The following NADSYN1 variants were observed in gnomAD, a reference collection of about 807,000 sequenced individuals.
The protein encoded by NADSYN1 is glutamine-dependent NAD(+) synthetase.
NADSYN1 carries 80 observed loss-of-function variants against 99.3 expected under a neutral mutation model. The observed-to-expected ratio is 0.81, with a 90% CI of 0.67 to 0.97. NADSYN1 has a LOEUF of 0.97. Ranked by LOEUF, NADSYN1 falls within the 50% of genes least tolerant of loss-of-function variation. The probability of loss-of-function intolerance (pLI) is 0.00; values close to 1 mark genes in which losing one functional copy is unlikely to be tolerated. For missense variants in NADSYN1, 859 were observed against 948.5 expected (o/e 0.91, Z 1.24); for synonymous variants, 385 against 372.1 (o/e 1.03, Z -0.40).
rs146247015 is a variant in NADSYN1, at chr11:71,459,515, C to T, written c.263+971C>T. On this transcript the variant is annotated intron_variant, in intron 3 of 20. Transcript: ENST00000319023. ...GTATCTGAGCCCTGCTTTGAATAGC[C>T]GGCTCCCTATGGAGGATGCTGTGCT... Among the ~76,000 whole-genome samples the T allele has an allele frequency of 5.9e-5, 9 of 152,166 alleles. No individual in the cohort carries two copies. The East Asian group carries it at 1.5e-3, about 26-fold the overall frequency.
intron 20 of NADSYN1, chr11:71,500,085 A>T (rs1297569051): frequency 6.6e-6 from 1 of 152,106 alleles, no homozygotes; most frequent in East Asian, 1.9e-4. Flanking sequence ...AATCCTGAGG[A>T]GTCTACACTG....
chr11:71,464,490 A>C (rs888231826), intron 5 of NADSYN1: 1 of 216,366 alleles, frequency 4.6e-6, no homozygotes, highest in African/African-American at 2.3e-5. Context: ...TTACAAAGTT[A>C]TTTACTTGGT....
At chr11:71,467,210 C>T (rs547141362) in intron 5 of NADSYN1, among the ~76,000 whole-genome samples, 2 of 152,242 alleles carry the variant, frequency 1.3e-5, no homozygotes, top group South Asian at 4.1e-4. Flanking sequence ...TAAGTTAATT[C>T]CATGTGGACC....
intron 16 of NADSYN1, among the ~76,000 whole-genome samples, chr11:71,488,291 C>CGCCGAGAGAGCTCAAGGAGGGGAAGG (rs1949757307): frequency 1.3e-5 from 2 of 151,404 alleles, no homozygotes; most frequent in Admixed American, 6.6e-5. Flanking sequence ...AGGAAACGTC[C>CGCCGAGAGAGCTCAAGGAGGGGAAGG]GCCGAGAGAG....
intron 9 of NADSYN1, chr11:71,474,776 A>G (rs1298609536): frequency 8.3e-6 from 4 of 482,622 alleles, no homozygotes; most frequent in Non-Finnish European, 1.5e-5. Context: ...CCTGTGGAGA[A>G]GCCCCCAGGG....
chr11:71,456,654 T>C (rs1241603172), intron 2 of NADSYN1, among the ~76,000 whole-genome samples: 1 of 152,178 alleles, frequency 6.6e-6, no homozygotes, highest in Non-Finnish European at 1.5e-5. Context: ...CATCCACCTC[T>C]CTCTTTCCTC....
chr11:71,468,520 TAGC>T (rs1363112147), intron 5 of NADSYN1, among the ~76,000 whole-genome samples: 2 of 152,000 alleles, frequency 1.3e-5, no homozygotes, highest in Non-Finnish European at 2.9e-5. Context: ...ATTGTCAAAA[TAGC>T]AGGCAGAAGA....
At chr11:71,474,338 G>A in intron 8 of NADSYN1, 57 bp from the exon 9 acceptor site, 1 of 1,607,982 alleles carries the variant, frequency 6.2e-7, no homozygotes, top group Non-Finnish European at 8.5e-7. Context: ...TGGGCAGGTG[G>A]CAGGTGAGGG....
chr11:71,468,060 T>G (rs1949604400), intron 5 of NADSYN1, among the ~76,000 whole-genome samples: 1 of 152,198 alleles, frequency 6.6e-6, no homozygotes, highest in Non-Finnish European at 1.5e-5. Flanking sequence ...AGACGGTGGC[T>G]GGAAAAAATC....
At chr11:71,481,599 T>C (rs1277347853) in intron 12 of NADSYN1, 195 bp downstream of exon 12, 1 of 631,436 alleles carries the variant, frequency 1.6e-6, no homozygotes, top group South Asian at 2.0e-5. Context: ...GTGGGTCAGC[T>C]CCACCTTTGG....
chr11:71,465,727 G>A (rs1000311508), intron 5 of NADSYN1, among the ~76,000 whole-genome samples: 1 of 152,092 alleles, frequency 6.6e-6, no homozygotes, highest in African/African-American at 2.4e-5. Context: ...AGTTATTTCT[G>A]TTTTTTATTG....
rs3819214 is a variant in NADSYN1, at chr11:71,491,243, C to T, written c.1694+267C>T. ...CCTCCCTTCCCTGCCGTCCCCATGC[C>T]GATGCTTGGCAGGCCGAGGCTCGCC... On this transcript the variant is annotated intron_variant, in intron 17 of 20. Coordinates refer to ENST00000319023, the MANE Select transcript of NADSYN1 (RefSeq NM_018161.5). Among the ~76,000 whole-genome samples, 859 of 152,386 alleles carry T rather than the reference C, an allele frequency of 5.6e-3. 41 individuals are homozygous for T. The East Asian group carries it at 0.13, about 23-fold the overall frequency.
At chr11:71,499,261 T>C (rs780392054) in intron 20 of NADSYN1, 6 of 152,264 alleles carry the variant, frequency 3.9e-5, no homozygotes, top group Non-Finnish European at 7.3e-5. Context: ...GGCGTGCAGA[T>C]GTCTCGTCGG....
chr11:71,483,809 C>T (rs561139864), intron 14 of NADSYN1, among the ~76,000 whole-genome samples: 10 of 152,276 alleles, frequency 6.6e-5, no homozygotes, highest in East Asian at 5.8e-4. Flanking sequence ...CTCAGATGAA[C>T]GGAGGAAGAA....
chr11:71,482,545 C>T lies in NADSYN1; in HGVS notation c.1151-304C>T, dbSNP rs570995977. ...GTAGACCGGGGTGGAGCCGCATGGGCGCCTGGGGGCCGTAGACTGGGGTGC... is the reference window on the plus strand; with the variant it reads ...GTAGACCGGGGTGGAGCCGCATGGGTGCCTGGGGGCCGTAGACTGGGGTGC... On this transcript the variant is annotated intron_variant, in intron 13 of 20. Coordinates refer to ENST00000319023, the MANE Select transcript of NADSYN1 (RefSeq NM_018161.5). 1.8e-4 allele frequency among the ~76,000 whole-genome samples: 26 copies of T among 147,424 alleles called. No homozygotes were observed. The East Asian group carries it at 4.9e-3, about 28-fold the overall frequency.
At chr11:71,458,608 C>A in intron 3 of NADSYN1, 64 bp downstream of exon 3, 1 of 1,134,440 alleles carries the variant, frequency 8.8e-7, no homozygotes, top group Non-Finnish European at 1.3e-6. Flanking sequence ...GGGCATGACC[C>A]ACCCAACCGG....
Position 71,501,342 on chromosome 11 carries a change from G to C in NADSYN1, c.2111G>C (p.Gly704Ala), listed in dbSNP as rs1949856122. The C allele has an allele frequency of 1.9e-6, 3 of 1,606,792 alleles. No individual in the cohort carries two copies. Among genetic ancestry groups the C allele is most frequent in the Non-Finnish European group, 1.7e-6 (2 of 1,177,096 alleles). ...AGGGCAGAGCCACAGTCCCTGGACG[G>C]CGTGGACTGAGGCCGGTTCCTTCCT... ...LERAEPQSLD[G>A]VD Residue 704 changes from glycine (G) to alanine (A), a missense_variant, in exon 21 of 21, where the codon GGC becomes GCC. Physicochemically the swap from Gly to Ala is moderately conservative, Grantham distance 60 (BLOSUM62 0). Coordinates refer to ENST00000319023, the MANE Select transcript of NADSYN1 (RefSeq NM_018161.5).
intron 20 of NADSYN1, among the ~76,000 whole-genome samples, chr11:71,500,557 G>C (rs975271318): frequency 7.0e-6 from 1 of 143,738 alleles, no homozygotes. Context: ...TTTGTTCCAC[G>C]TGTTGGTGGT....
At chr11:71,484,630 T>G (rs1424000854) in intron 15 of NADSYN1, 183 bp downstream of exon 15, 1 of 825,838 alleles carries the variant, frequency 1.2e-6, no homozygotes, top group African/African-American at 1.7e-5. Context: ...ACGTCGGTCA[T>G]GCAGCCTTGT....
Sources: allele counts gnomAD v4.1 joint callset (sites outside exome capture counted in the v4.1 genomes callset), GRCh38; gene constraint gnomAD v4.1.1; transcripts MANE v1.5; gene names NCBI Gene and HGNC (gene_info 2026-07-23, HGNC 2026-07-21).